Variants in THAP6 observed in about 807,000 individuals in gnomAD.
The protein encoded by THAP6 is THAP domain-containing protein 6.
THAP6 carries 13 observed loss-of-function variants against 20.0 expected under a neutral mutation model. The ratio of observed to expected loss-of-function variants is 0.65; its 90% CI spans 0.42 to 1.03. THAP6 has a LOEUF of 1.03. Among genes scored for constraint, THAP6 ranks in the 50% least tolerant of loss-of-function variants. THAP6 has a pLI of 0.00. For synonymous variants in THAP6, 93 were observed against 92.2 expected (o/e 1.01, Z -0.05); for missense variants, 262 against 261.6 (o/e 1.00, Z -0.01).
chr4:75,516,654 C>T, intron 2 of THAP6, 118 bp from the exon 3 acceptor site: 1 of 796,002 alleles, frequency 1.3e-6, no homozygotes, highest in Non-Finnish European at 1.9e-6. Context: ...TATTATAATT[C>T]TCAAGACTAA....
Position 75,515,558 on chromosome 4 carries a change from A to G in THAP6, c.80+26A>G, listed in dbSNP as rs371638162. ...GTAAGATTTTGCTGTAGTTAAGCCA[A>G]ATACTTTGGCCATGTTATAAAAAGC... On this transcript the variant is annotated intron_variant, in intron 2 of 4. Transcript: ENST00000311638. 3.5e-4 allele frequency: 565 copies of G among 1,607,934 alleles called. 1 individual carries two copies. The highest frequency in any genetic ancestry group is 4.5e-4 in the Non-Finnish European group (528 of 1,174,588).
chr4:75,515,535 A>C lies in THAP6; in HGVS notation c.80+3A>C. 6.2e-7 allele frequency: 1 copy of C among 1,613,412 alleles called. No individual in the cohort carries two copies. The highest frequency in any genetic ancestry group is 8.5e-7 in the Non-Finnish European group (1 of 1,179,366). ...TTAAAAGGACTGACATTTCACGTGT[A>C]AGATTTTGCTGTAGTTAAGCCAAAT... On this transcript the variant is annotated splice_donor_region_variant and intron_variant, in intron 2 of 4. Coordinates refer to ENST00000311638, the MANE Select transcript of THAP6 (RefSeq NM_144721.6).
downstream of THAP6, among the ~76,000 whole-genome samples, chr4:75,530,426 T>G (rs1325667408): frequency 3.3e-5 from 5 of 152,236 alleles, no homozygotes; most frequent in Non-Finnish European, 7.3e-5. Context: ...CACTGGATAC[T>G]TCTCCCCCAA....
chr4:75,524,316 G>T (rs1726229821), intron 4 of THAP6, among the ~76,000 whole-genome samples: 1 of 151,564 alleles, frequency 6.6e-6, no homozygotes, highest in African/African-American at 2.4e-5. Context: ...TATTATTTTT[G>T]TTTAAACAGT....
intron 3 of THAP6, among the ~76,000 whole-genome samples, chr4:75,519,400 C>G (rs1441912321): frequency 6.6e-6 from 1 of 150,878 alleles, no homozygotes; most frequent in Non-Finnish European, 1.5e-5. Flanking sequence ...CATATGTATA[C>G]ATGTGCCATG....
chr4:75,536,293 C>T (rs1726849885), intron 2 of THAP6, among the ~76,000 whole-genome samples: 1 of 152,090 alleles, frequency 6.6e-6, no homozygotes, highest in African/African-American at 2.4e-5. Context: ...GGAGAAACCC[C>T]ATCTCCACTA....
At chr4:75,546,227 G>A (rs1188844907) in intron 3 of THAP6, among the ~76,000 whole-genome samples, 1 of 152,208 alleles carries the variant, frequency 6.6e-6, no homozygotes, top group African/African-American at 2.4e-5. Flanking sequence ...GGGGACTGAA[G>A]CAGGGAAGTC....
chr4:75,528,102 T>C lies in THAP6; in HGVS notation c.*888T>C. 1 of 984,760 alleles carries C rather than the reference T, an allele frequency of 1.0e-6. No homozygotes were observed. Among genetic ancestry groups the C allele is most frequent in the African/African-American group, 1.7e-5 (1 of 57,318 alleles). The allele number at this position is 984,760 out of a possible 1,614,324, so 61.0% of individuals were successfully genotyped here. A position where few individuals can be genotyped will look rare whatever the true frequency, so the allele number is the denominator to read the frequency against. ...AAAATACAAAATACAAAAGAAACCA[T>C]TAGAAATTAATAACTGTGGCTCTTC... On this transcript the variant is annotated 3_prime_UTR_variant, in exon 5 of 5. Coordinates refer to ENST00000311638, the MANE Select transcript of THAP6 (RefSeq NM_144721.6).
At chr4:75,522,205 C>T (rs915414400) in intron 4 of THAP6, 27 of 262,380 alleles carry the variant, frequency 1.0e-4, no homozygotes, top group Admixed American at 1.0e-4. Flanking sequence ...AGTATTCAAG[C>T]TTGCATTTAT....
Position 75,527,797 on chromosome 4 carries a change from C to T in THAP6, c.*583C>T. 1.0e-6 allele frequency: 1 copy of T among 985,978 alleles called. No homozygotes were observed. Among genetic ancestry groups the T allele is most frequent in the Non-Finnish European group, 1.2e-6 (1 of 830,420 alleles). The allele number at this position is 985,978 out of a possible 1,614,324, so 61.1% of individuals were successfully genotyped here. A position where few individuals can be genotyped will look rare whatever the true frequency, so the allele number is the denominator to read the frequency against. ...GTGGGCTTTTAAAATTGTTCACAGC[C>T]AATTTAAGAAGACCCCTCATGAAGT... On this transcript the variant is annotated 3_prime_UTR_variant, in exon 5 of 5. Transcript: ENST00000311638.
At chr4:75,540,227 C>CGACT (rs2148832174) in intron 2 of THAP6, among the ~76,000 whole-genome samples, 1 of 152,266 alleles carries the variant, frequency 6.6e-6, no homozygotes, top group South Asian at 2.1e-4. Context: ...GAATGTAGAT[C>CGACT]GACTACATCA....
chr4:75,523,498 G>A lies in THAP6; in HGVS notation c.414+1637G>A, dbSNP rs562798262. On this transcript the variant is annotated intron_variant, in intron 4 of 4. Transcript: ENST00000311638. Reference sequence around the variant, plus strand: ...TTTTGCTTTGGTTGCCTGTGCTTGTGGGATATTACTCAAGAAATCTTTAGG... The same window carrying A: ...TTTTGCTTTGGTTGCCTGTGCTTGTAGGATATTACTCAAGAAATCTTTAGG... Among the ~76,000 whole-genome samples, 14 of 152,142 alleles carry A rather than the reference G, an allele frequency of 9.2e-5. No homozygotes were observed. In the East Asian group the frequency reaches 2.5e-3, roughly 27 times the overall value.
chr4:75,544,830 A>G (rs1418261041), intron 3 of THAP6, among the ~76,000 whole-genome samples: 1 of 152,206 alleles, frequency 6.6e-6, no homozygotes, highest in Non-Finnish European at 1.5e-5. Context: ...AAAAAAATTA[A>G]CCAAGTGTTT....
At chr4:75,537,993 T>C (rs1355684182) in intron 2 of THAP6, among the ~76,000 whole-genome samples, 1 of 152,228 alleles carries the variant, frequency 6.6e-6, no homozygotes, top group African/African-American at 2.4e-5. Flanking sequence ...AAGTTTGTGG[T>C]AATTTGTTAC....
At chr4:75,518,545 CTAT>C (rs1275764901) in intron 3 of THAP6, among the ~76,000 whole-genome samples, 1 of 152,062 alleles carries the variant, frequency 6.6e-6, no homozygotes, top group Admixed American at 6.6e-5. Flanking sequence ...CAGGTAAATA[CTAT>C]TATTATTTTC....
chr4:75,540,228 G>A (rs1371291785), intron 2 of THAP6, among the ~76,000 whole-genome samples: 2 of 152,090 alleles, frequency 1.3e-5, no homozygotes, highest in Non-Finnish European at 2.9e-5. Context: ...AATGTAGATC[G>A]ACTACATCAC....
At chr4:75,524,590 G>T (rs1198991361) in intron 4 of THAP6, among the ~76,000 whole-genome samples, 1 of 152,076 alleles carries the variant, frequency 6.6e-6, no homozygotes, top group African/African-American at 2.4e-5. Flanking sequence ...AACAGTTTTG[G>T]GGGCGGGGGC....
chr4:75,524,275 A>G (rs1408549357), intron 4 of THAP6, among the ~76,000 whole-genome samples: 1 of 152,146 alleles, frequency 6.6e-6, no homozygotes, highest in African/African-American at 2.4e-5. Flanking sequence ...TTTCACTTTT[A>G]CATATGCTAT....
chr4:75,528,687 T>A lies in THAP6; in HGVS notation c.*1473T>A. The A allele has an allele frequency of 1.0e-6, 1 of 985,168 alleles. No homozygotes were observed. Among genetic ancestry groups the A allele is most frequent in the South Asian group, 4.7e-5 (1 of 21,280 alleles). The allele number at this position is 985,168 out of a possible 1,614,324, so 61.0% of individuals were successfully genotyped here. ...TTAACCCACATCTGCGAGATCAGCG[T>A]TATGCTAAGAGGAAATCACTGAGGC... On this transcript the variant is annotated 3_prime_UTR_variant, in exon 5 of 5. Coordinates refer to ENST00000311638, the MANE Select transcript of THAP6 (RefSeq NM_144721.6).
Sources: allele counts gnomAD v4.1 joint callset (sites outside exome capture counted in the v4.1 genomes callset), GRCh38; gene constraint gnomAD v4.1.1; transcripts MANE v1.5; gene names NCBI Gene and HGNC (gene_info 2026-07-23, HGNC 2026-07-21).